The following TMPRSS15 variants were observed in gnomAD, a reference collection of about 807,000 sequenced individuals.
TMPRSS15 encodes transmembrane serine protease 15, also known as enteropeptidase.
A neutral mutation model predicts 125.3 loss-of-function variants in TMPRSS15; 128 were observed. The observed-to-expected ratio is 1.02, with a 90% CI of 0.89 to 1.18. The LOEUF (loss-of-function observed/expected upper bound fraction) is 1.18, where lower values mean the gene tolerates loss of function less well. Ranked by LOEUF, TMPRSS15 falls within the 50% of genes most tolerant of loss-of-function variation. The probability of loss-of-function intolerance (pLI) is 0.00; values close to 1 mark genes in which losing one functional copy is unlikely to be tolerated. For synonymous variants in TMPRSS15, 446 were observed against 423.2 expected, an observed-to-expected ratio of 1.05 and a Z score of -0.66; for missense variants, 1,283 against 1,212.7, an observed-to-expected ratio of 1.06 and a Z score of -0.86.
At chr21:18,379,123 C>A (rs1313386848) in intron 5 of TMPRSS15, among the ~76,000 whole-genome samples, 160 bp downstream of exon 5, 1 of 151,984 alleles carries the variant, frequency 6.6e-6, no homozygotes, top group Non-Finnish European at 1.5e-5. Context: ...GTGGTGAAAT[C>A]CAGGGCTAAA....
rs1205950443 is a variant in TMPRSS15 at position 18,403,467 on chromosome 21, A to C, written c.145+11T>G. The C allele has an allele frequency of 3.1e-6, 5 of 1,613,966 alleles. No homozygotes were observed. The African/African-American group carries it at 6.7e-5, about 22-fold the overall frequency. ...GAGAGCACCTTCACGAGCCAACTCC[A>C]TGTGACTTACCTCGTTGGGATTCCT... On this transcript the variant is annotated intron_variant, in intron 1 of 24. Transcript: ENST00000284885.
chr21:18,269,175 AAAT>A lies in TMPRSS15; in HGVS notation c.*791_*793del, dbSNP rs886415255. Reference sequence around the variant, plus strand: ...TCTCATGGGTGATTCAGCTGTGTCTAAATAAGTTTTCATATATTAGAAATATCC... The same window carrying A: ...TCTCATGGGTGATTCAGCTGTGTCTAAAGTTTTCATATATTAGAAATATCC... On this transcript the variant is annotated 3_prime_UTR_variant, in exon 25 of 25. Transcript: ENST00000284885. 19 of 152,176 alleles carry A rather than the reference AAAT, an allele frequency of 1.2e-4. No individual in the cohort carries two copies. Among genetic ancestry groups the A allele is most frequent in the African/African-American group, 4.1e-4 (17 of 41,450 alleles). The allele number at this position is 152,176 out of a possible 1,614,324, so 9.4% of individuals were successfully genotyped here.
chr21:18,312,950 T>C lies in TMPRSS15; in HGVS notation c.2160A>G (p.Gly720=). Residue 720 remains glycine, a synonymous_variant, in exon 18 of 25, where the codon GGA becomes GGG. Coordinates refer to ENST00000284885, the MANE Select transcript of TMPRSS15 (RefSeq NM_002772.3). ...AACTCAGTAGAATTACTTACCCTAG[T>C]CCCAGCAGTTGACAAACATCATTTG... The part of the protein sequence containing the change: ...QISNDVCQLL[G]LGSGNSSKPI... The C allele has an allele frequency of 6.2e-7, 1 of 1,613,758 alleles. No homozygotes were observed. Among genetic ancestry groups the C allele is most frequent in the Non-Finnish European group, 8.5e-7 (1 of 1,179,720 alleles).
intron 1 of TMPRSS15, among the ~76,000 whole-genome samples, chr21:18,462,862 A>T (rs2122953477): frequency 6.9e-4 from 105 of 152,240 alleles, no homozygotes; most frequent in African/African-American, 2.4e-3. Flanking sequence ...TGGATCTCTC[A>T]GCAGAAACTC....
At chr21:18,364,928 A>G (rs1022808665) in intron 7 of TMPRSS15, among the ~76,000 whole-genome samples, 5 of 152,182 alleles carry the variant, frequency 3.3e-5, no homozygotes, top group Non-Finnish European at 4.4e-5. Context: ...AGATGACCCC[A>G]CTTATTAGAC....
At position 18,398,344 on chromosome 21, in the gene TMPRSS15, A is replaced by G. The variant is rs2076060615; in HGVS notation, c.146-15T>C. 2.5e-6 allele frequency: 4 copies of G among 1,613,024 alleles called. No homozygotes were observed. Among genetic ancestry groups the G allele is most frequent in the East Asian group, 2.2e-5 (1 of 44,834 alleles). On this transcript the variant is annotated splice_polypyrimidine_tract_variant and intron_variant, in intron 1 of 24. Coordinates refer to ENST00000284885, the MANE Select transcript of TMPRSS15 (RefSeq NM_002772.3). ...AAGTGCTGCACCTAGATAAATTAAT[A>G]AGGAAAAAACACTAAGATTTTGGAT...
chr21:18,444,413 C>T (rs889756678), intron 1 of TMPRSS15, among the ~76,000 whole-genome samples: 3 of 152,016 alleles, frequency 2.0e-5, no homozygotes, highest in African/African-American at 7.3e-5. Context: ...TGTTCTCACT[C>T]ATAAGTGGGA....
intron 15 of TMPRSS15, among the ~76,000 whole-genome samples, chr21:18,326,859 C>T (rs1433276055): frequency 6.6e-6 from 1 of 152,204 alleles, no homozygotes; most frequent in African/African-American, 2.4e-5. Context: ...CTATTCAAAG[C>T]TCATGTTATC....
chr21:18,361,288 T>C (rs763329288), intron 7 of TMPRSS15, among the ~76,000 whole-genome samples: 16 of 152,154 alleles, frequency 1.1e-4, no homozygotes, highest in Non-Finnish European at 2.1e-4. Context: ...GCTTTGTAAG[T>C]ACCAAGTTTC....
At chr21:18,444,311 G>T (rs1467983443) in intron 1 of TMPRSS15, among the ~76,000 whole-genome samples, 1 of 152,134 alleles carries the variant, frequency 6.6e-6, no homozygotes, top group African/African-American at 2.4e-5. Context: ...CCATAAAAAA[G>T]GATTATTTCG....
chr21:18,353,854 C>T lies in TMPRSS15; in HGVS notation c.890G>A (p.Trp297Ter). The T allele has an allele frequency of 6.2e-7, 1 of 1,610,380 alleles. No homozygotes were observed. ...TCTTATTGTGCCAGGATTAGTTTCC[C>T]AAATAGAAGCTACAAAATAAAATAA... ...GSSKILRASI[W>*]ETNPGTIRIF... The change falls in exon 9 of 25, where the codon TGG becomes TAG. Residue 297 changes from tryptophan to a stop codon, truncating the protein, a stop_gained. Coordinates refer to ENST00000284885, the MANE Select transcript of TMPRSS15 (RefSeq NM_002772.3). LOFTEE classifies it high-confidence loss of function.
chr21:18,281,598 A>C (rs1051044191), intron 21 of TMPRSS15, among the ~76,000 whole-genome samples: 1 of 152,174 alleles, frequency 6.6e-6, no homozygotes, highest in Non-Finnish European at 1.5e-5. Context: ...AATTTAAAAA[A>C]TACTTCTAAA....
intron 4 of TMPRSS15, among the ~76,000 whole-genome samples, chr21:18,383,185 A>G (rs908409831): frequency 7.9e-5 from 12 of 151,418 alleles, no homozygotes; most frequent in African/African-American, 2.7e-4. Context: ...CAACACTCTC[A>G]GAATCTCCTT....
At chr21:18,276,548 C>G (rs550098401) in intron 23 of TMPRSS15, among the ~76,000 whole-genome samples, 3 of 152,144 alleles carry the variant, frequency 2.0e-5, no homozygotes, top group Non-Finnish European at 4.4e-5. Context: ...AAAACCAAGG[C>G]CACTTCTGCT....
intron 15 of TMPRSS15, 79 bp from the exon 16 acceptor site, chr21:18,326,651 C>T (rs1215981015): frequency 6.4e-7 from 1 of 1,551,422 alleles, no homozygotes; most frequent in Non-Finnish European, 8.9e-7. Flanking sequence ...TCTCAGTTCC[C>T]TCTGCCAGAC....
intron 16 of TMPRSS15, among the ~76,000 whole-genome samples, chr21:18,320,735 A>G (rs527357983): frequency 1.3e-5 from 2 of 152,322 alleles, no homozygotes; most frequent in East Asian, 1.9e-4. Context: ...TGAGAAGTAT[A>G]AATAAGCTCT....
chr21:18,391,276 G>A (rs2075987960), intron 3 of TMPRSS15, among the ~76,000 whole-genome samples: 1 of 152,190 alleles, frequency 6.6e-6, no homozygotes, highest in African/African-American at 2.4e-5. Context: ...AGTCTCATCT[G>A]AGACTAGACA....
intron 17 of TMPRSS15, among the ~76,000 whole-genome samples, chr21:18,314,658 T>C (rs1435022079): frequency 1.3e-5 from 2 of 152,186 alleles, no homozygotes; most frequent in Non-Finnish European, 2.9e-5. Flanking sequence ...TGTTAAATAT[T>C]TGCTTAGAAA....
At chr21:18,393,019 C>G (rs1391098258) in intron 3 of TMPRSS15, among the ~76,000 whole-genome samples, 1 of 152,088 alleles carries the variant, frequency 6.6e-6, no homozygotes, top group Non-Finnish European at 1.5e-5. Flanking sequence ...CCATATCACC[C>G]AGTAACGAAA....
Sources: gnomAD v4.1 joint callset for allele counts (sites outside exome capture counted in the v4.1 genomes callset) on GRCh38, gnomAD v4.1.1 for gene constraint, MANE v1.5 for transcripts, NCBI Gene and HGNC (gene_info 2026-07-23, HGNC 2026-07-21) for gene names.